The following ST7L variants were observed in gnomAD, a reference collection of about 807,000 sequenced individuals.
The protein encoded by ST7L is suppression of tumorigenicity 7 like.
In ST7L, 57 loss-of-function variants were observed where a neutral mutation model predicts 72.5. The ratio of observed to expected loss-of-function variants is 0.79; its 90% confidence interval spans 0.64 to 0.98. The LOEUF is 0.98. Among genes scored for constraint, ST7L ranks in the 50% least tolerant of loss-of-function variants. ST7L has a pLI of 0.00. For synonymous variants in ST7L, 221 were observed against 240.9 expected (o/e 0.92, Z 0.77); for missense variants, 576 against 672.2 (o/e 0.86, Z 1.58).
At chr1:112,519,489 G>C (rs187441977), downstream of ST7L, among the ~76,000 whole-genome samples, 626 of 152,218 alleles carry the variant, frequency 4.1e-3, no homozygotes, top group Non-Finnish European at 6.4e-3. Context: ...TCATCCAAAA[G>C]TCTATTGATT....
intron 11 of ST7L, chr1:112,570,785 C>G (rs770564672): frequency 1.3e-5 from 6 of 456,106 alleles, no homozygotes; most frequent in Admixed American, 2.4e-5. Flanking sequence ...GTCACAAATT[C>G]CAGAGCTCTC....
chr1:112,611,051 C>T (rs773628928), intron 2 of ST7L, 48 bp from the exon 3 acceptor site: 1 of 1,575,676 alleles, frequency 6.3e-7, no homozygotes, highest in Non-Finnish European at 8.6e-7. Flanking sequence ...TCAGCAGATA[C>T]ATGAGCTCAA....
chr1:112,533,862 C>T (rs1389557630), intron 14 of ST7L, among the ~76,000 whole-genome samples: 1 of 151,728 alleles, frequency 6.6e-6, no homozygotes, highest in Non-Finnish European at 1.5e-5. Flanking sequence ...TGAGCTCTTA[C>T]TACTATAATT....
intron 12 of ST7L, among the ~76,000 whole-genome samples, chr1:112,555,475 G>A (rs915958813): frequency 4.6e-5 from 7 of 152,104 alleles, no homozygotes; most frequent in Non-Finnish European, 8.8e-5. Context: ...TGAGGCAGGA[G>A]AACGGCATGA....
intron 14 of ST7L, chr1:112,529,899 T>C (rs192894584): frequency 1.4e-4 from 21 of 152,184 alleles, no homozygotes; most frequent in Admixed American, 1.4e-3. Flanking sequence ...AGTTGCTAGT[T>C]TGAACAGGAA....
intron 14 of ST7L, chr1:112,540,278 C>G: frequency 1.0e-6 from 1 of 985,400 alleles, no homozygotes; most frequent in East Asian, 1.1e-4. Flanking sequence ...TGCCTGTGAT[C>G]TCACATACAC....
At chr1:112,553,233 A>AACAC (rs71584746) in intron 12 of ST7L, among the ~76,000 whole-genome samples, 24,377 of 149,408 alleles carry the variant, frequency 0.16, 2,220 homozygotes, top group East Asian at 0.4. Flanking sequence ...CTTTTCTTTA[A>AACAC]ACACACACAC....
chr1:112,589,153 T>C (rs1005925817), intron 6 of ST7L, among the ~76,000 whole-genome samples: 13 of 152,192 alleles, frequency 8.5e-5, no homozygotes, highest in African/African-American at 3.1e-4. Flanking sequence ...TTATCATGGG[T>C]TCCTTTACTT....
intron 4 of ST7L, among the ~76,000 whole-genome samples, chr1:112,600,211 T>C (rs1481884963): frequency 6.6e-6 from 1 of 152,086 alleles, no homozygotes; most frequent in Non-Finnish European, 1.5e-5. Context: ...CAGCTAATTT[T>C]TGTTTTAGTA....
intron 11 of ST7L, among the ~76,000 whole-genome samples, chr1:112,561,346 A>T: frequency 6.9e-6 from 1 of 144,778 alleles, no homozygotes; most frequent in Admixed American, 7.0e-5. Context: ...GCAGGAGGAT[A>T]GCTGGACCTC....
intron 7 of ST7L, among the ~76,000 whole-genome samples, chr1:112,582,725 T>C (rs577307301): frequency 1.1e-4 from 17 of 152,288 alleles, no homozygotes; most frequent in African/African-American, 4.1e-4. Flanking sequence ...TTTTTGCCTC[T>C]AATAGTAACT....
chr1:112,580,250 G>A (rs1336492227), intron 9 of ST7L, among the ~76,000 whole-genome samples: 2 of 152,192 alleles, frequency 1.3e-5, no homozygotes, highest in Non-Finnish European at 1.5e-5. Flanking sequence ...CCAGGCTCAA[G>A]AGATCCTCAC....
intron 6 of ST7L, among the ~76,000 whole-genome samples, chr1:112,588,624 G>A (rs555993352): frequency 2.6e-5 from 4 of 152,232 alleles, no homozygotes; most frequent in South Asian, 4.1e-4. Flanking sequence ...TCTGTCAAAT[G>A]TTTTTTCTAC....
intron 10 of ST7L, 21 bp from the exon 11 acceptor site, chr1:112,577,109 G>C: frequency 6.9e-7 from 1 of 1,440,042 alleles, no homozygotes; most frequent in Non-Finnish European, 9.4e-7. Flanking sequence ...ACCACAAAAT[G>C]AAAAAATAAA....
intron 11 of ST7L, among the ~76,000 whole-genome samples, chr1:112,574,831 T>A (rs1046260506): frequency 2.3e-4 from 35 of 152,132 alleles, no homozygotes; most frequent in African/African-American, 8.2e-4. Flanking sequence ...TGTGGGTTGA[T>A]AATGTTCTGT....
intron 5 of ST7L, among the ~76,000 whole-genome samples, chr1:112,594,654 T>C (rs1046140900): frequency 1.3e-5 from 2 of 152,220 alleles, no homozygotes; most frequent in African/African-American, 4.8e-5. Flanking sequence ...TATCTTAGAA[T>C]CTGAATTCAG....
At chr1:112,595,370 GAAAAAAAAAA>G (rs67553307) in intron 5 of ST7L, among the ~76,000 whole-genome samples, 34 of 52,024 alleles carry the variant, frequency 6.5e-4, no homozygotes, top group East Asian at 2.4e-3. Context: ...GGTCTCAAAA[GAAAAAAAAAA>G]AAAAAAAAAA....
chr1:112,542,211 T>G (rs755173316), intron 13 of ST7L, 121 bp from the exon 14 acceptor site: 53 of 1,022,122 alleles, frequency 5.2e-5, no homozygotes, highest in Non-Finnish European at 5.7e-5. Context: ...AAAAGGAAAG[T>G]CTCTGGCTAA....
chr1:112,538,756 G>A (rs1655613462), intron 14 of ST7L, among the ~76,000 whole-genome samples: 1 of 152,112 alleles, frequency 6.6e-6, no homozygotes, highest in Admixed American at 6.5e-5. Context: ...AACAAGAAGG[G>A]GGTAGGGTTT....
Sources: allele counts gnomAD v4.1 joint callset (sites outside exome capture counted in the v4.1 genomes callset), GRCh38; gene constraint gnomAD v4.1.1; transcripts MANE v1.5; gene names NCBI Gene and HGNC (gene_info 2026-07-23, HGNC 2026-07-21).